Variants in SS18 observed in about 807,000 individuals in gnomAD.
SS18 encodes SS18 subunit of BAF chromatin remodeling complex.
Under a neutral mutation model 72.5 loss-of-function variants are expected in SS18, and 28 were observed. The observed-to-expected ratio is 0.39, with a 90% CI of 0.29 to 0.53. SS18 has a LOEUF of 0.53. SS18 is among the 20% of genes least tolerant of loss of function. The pLI is 0.76. For missense variants in SS18, 518 were observed against 535.3 expected, an observed-to-expected ratio of 0.97 and a Z score of 0.32; for synonymous variants, 172 against 164.2, an observed-to-expected ratio of 1.05 and a Z score of -0.37.
chr18:26,090,977 C>A (rs1043224042), upstream of SS18: 1 of 238,120 alleles, frequency 4.2e-6, no homozygotes, highest in East Asian at 1.1e-4. Context: ...CAAGCCGGCC[C>A]GCCCCCTTCG....
intron 10 of SS18, among the ~76,000 whole-genome samples, chr18:26,023,159 C>T (rs372526310): frequency 1.3e-5 from 2 of 152,098 alleles, no homozygotes; most frequent in African/African-American, 2.4e-5. Context: ...AAGATTATCA[C>T]GCACACAAAG....
chr18:26,064,614 TC>T (rs1287824711), intron 3 of SS18, among the ~76,000 whole-genome samples: 1 of 152,084 alleles, frequency 6.6e-6, no homozygotes, highest in African/African-American at 2.4e-5. Flanking sequence ...AAAGGAGCAC[TC>T]TTAAAACAAA....
At chr18:26,067,624 A>C (rs2054242090) in intron 3 of SS18, among the ~76,000 whole-genome samples, 1 of 152,202 alleles carries the variant, frequency 6.6e-6, no homozygotes, top group Admixed American at 6.5e-5. Context: ...AGTATGGATA[A>C]AATCTCCCAG....
intron 10 of SS18, among the ~76,000 whole-genome samples, chr18:26,031,158 C>T (rs917241856): frequency 1.3e-5 from 2 of 152,216 alleles, no homozygotes; most frequent in African/African-American, 2.4e-5. Flanking sequence ...TTTAAATACT[C>T]ACTAGCCACG....
intron 4 of SS18, among the ~76,000 whole-genome samples, chr18:26,053,660 GA>G (rs2053962726): frequency 2.0e-5 from 3 of 150,474 alleles, no homozygotes; most frequent in African/African-American, 7.5e-5. Flanking sequence ...CATAATGAGG[GA>G]ATGACTAGTT....
chr18:26,055,284 T>C (rs191917936), intron 4 of SS18, among the ~76,000 whole-genome samples: 13 of 152,074 alleles, frequency 8.5e-5, no homozygotes, highest in Middle Eastern at 3.4e-3. Flanking sequence ...CTGGCCAACA[T>C]GGTGAAACCC....
intron 5 of SS18, among the ~76,000 whole-genome samples, chr18:26,049,283 A>C (rs557493796): frequency 2.0e-5 from 3 of 152,354 alleles, no homozygotes; most frequent in Non-Finnish European, 4.4e-5. Flanking sequence ...TTGTTGATTA[A>C]ATAAACATTT....
intron 3 of SS18, among the ~76,000 whole-genome samples, chr18:26,064,215 C>T (rs1463432334): frequency 1.3e-5 from 2 of 152,052 alleles, no homozygotes; most frequent in East Asian, 3.8e-4. Context: ...GAGAATTCTT[C>T]TAAACCATTA....
intron 7 of SS18, among the ~76,000 whole-genome samples, chr18:26,037,663 C>T (rs540050823): frequency 6.6e-6 from 1 of 152,158 alleles, no homozygotes; most frequent in African/African-American, 2.4e-5. Context: ...AATACTTTAG[C>T]TTTAAGTTTC....
In SS18 at chr18:26,055,224, T is replaced by C. The variant is rs926869271; in HGVS notation, c.385+2365A>G. On this transcript the variant is annotated intron_variant, in intron 4 of 10. Transcript: ENST00000415083. ...GCTCATGCCTGCAATCCCAGCACTT[T>C]GGGAGGCTGAAGCGGGTGGATCACC... Among the ~76,000 whole-genome samples, 20 of 151,926 alleles carry C rather than the reference T, an allele frequency of 1.3e-4. 1 individual carries two copies. Among genetic ancestry groups the C allele is most frequent in the African/African-American group, 3.6e-4 (15 of 41,386 alleles).
At chr18:26,029,959 G>T (rs147404422) in intron 10 of SS18, among the ~76,000 whole-genome samples, 181 of 152,226 alleles carry the variant, frequency 1.2e-3, no homozygotes, top group African/African-American at 4.3e-3. Context: ...AGGAGAAGTG[G>T]TTGGCAACTA....
At chr18:26,036,006 A>C in intron 7 of SS18, 83 bp from the exon 8 acceptor site, 1 of 868,242 alleles carries the variant, frequency 1.2e-6, no homozygotes, top group East Asian at 2.7e-5. Context: ...TTTCAGATAA[A>C]ATTGAAAAAA....
chr18:26,082,868 G>A (rs1180751449), intron 2 of SS18, among the ~76,000 whole-genome samples: 7 of 151,856 alleles, frequency 4.6e-5, no homozygotes, highest in African/African-American at 1.5e-4. Context: ...AAAATACATA[G>A]TTATTTTTAA....
At chr18:26,054,114 C>T (rs2053970742) in intron 4 of SS18, among the ~76,000 whole-genome samples, 1 of 152,090 alleles carries the variant, frequency 6.6e-6, no homozygotes, top group Non-Finnish European at 1.5e-5. Flanking sequence ...TACTGCCTAA[C>T]ACAATGTAAA....
chr18:26,060,771 C>CAAAAAAAAAAAACAAAAAAA (rs2054105887), intron 3 of SS18, among the ~76,000 whole-genome samples: 1 of 39,606 alleles, frequency 2.5e-5, no homozygotes, highest in African/African-American at 6.9e-5. Context: ...CTAAAAATAC[C>CAAAAAAAAAAAACAAAAAAA]AAAAAAAAAA....
rs577827847 is a variant in SS18 at position 26,058,470 on chromosome 18, G to A, written c.232-728C>T. Among the ~76,000 whole-genome samples, 7 of 152,282 alleles carry A rather than the reference G, an allele frequency of 4.6e-5. No homozygotes were observed. In the South Asian group the frequency reaches 1.0e-3, roughly 23 times the overall value. On this transcript the variant is annotated intron_variant, in intron 3 of 10. Transcript: ENST00000415083. ...GTGGAGAAAGCAAACGGTTAGTTTC[G>A]CTCCAATCCCCCATTTTTAATCTTG...
intron 3 of SS18, among the ~76,000 whole-genome samples, chr18:26,065,868 C>A (rs962766102): frequency 1.5e-5 from 2 of 129,402 alleles, no homozygotes; most frequent in Admixed American, 8.5e-5. Flanking sequence ...TCTACATACA[C>A]AGAACTTAAT....
At chr18:26,063,257 T>C (rs932274741) in intron 3 of SS18, among the ~76,000 whole-genome samples, 27 of 152,270 alleles carry the variant, frequency 1.8e-4, no homozygotes, top group African/African-American at 4.6e-4. Context: ...CGGTGGTTCA[T>C]GCCTGTAATC....
In SS18 at chr18:26,032,519, A is replaced by G. The variant is rs878971864; in HGVS notation, c.1110T>C (p.Gly370=). 10 of 1,613,524 alleles carry G rather than the reference A, an allele frequency of 6.2e-6. No homozygotes were observed. The South Asian group carries it at 1.1e-4, about 18-fold the overall frequency. The change falls in exon 10 of 11, where the codon GGT becomes GGC. Residue 370 remains glycine (G), a synonymous_variant. Transcript: ENST00000415083. ...AGTTAGGATACTGAGGACCTGGACC[A>G]CCCTGTGAAGGACCTGAAAATAATG... ...GQQQGYGPSQ[G]GPGPQYPNYP...
Sources: gnomAD v4.1 joint callset for allele counts (sites outside exome capture counted in the v4.1 genomes callset) on GRCh38, gnomAD v4.1.1 for gene constraint, MANE v1.5 for transcripts, NCBI Gene and HGNC (gene_info 2026-07-23, HGNC 2026-07-21) for gene names.